Variants in ATM observed in about 807,000 individuals in gnomAD.
The protein encoded by ATM is serine-protein kinase ATM.
A neutral mutation model predicts 387.0 loss-of-function variants in ATM; 308 were observed. The ratio of observed to expected loss-of-function variants is 0.80; its 90% CI spans 0.73 to 0.87. ATM has a LOEUF of 0.87. Ranked by LOEUF, ATM falls within the 40% of genes least tolerant of loss-of-function variation. The probability of loss-of-function intolerance (pLI) is 0.00; values close to 1 mark genes in which losing one functional copy is unlikely to be tolerated. For synonymous variants in ATM, 1,156 were observed against 1,187.3 expected, an observed-to-expected ratio of 0.97 and a Z score of 0.54; for missense variants, 3,312 against 3,560.9, an observed-to-expected ratio of 0.93 and a Z score of 1.78.
rs1555099963 is a variant in ATM, at chr11:108,292,751, A to G, written c.4569A>G (p.Thr1523=). Reference sequence around the variant, plus strand: ...ACCATCTTCATGTTATTGTTGGTACACTTATACCCCTTGTGTATGAGCAGG... The same window carrying G: ...ACCATCTTCATGTTATTGTTGGTACGCTTATACCCCTTGTGTATGAGCAGG... ...LENHLHVIVG[T]LIPLVYEQVE... Residue 1523 remains threonine (T), a synonymous_variant, in exon 30 of 63, where the codon ACA becomes ACG. Coordinates refer to ENST00000675843, the MANE Select transcript of ATM (RefSeq NM_000051.4). The G allele has an allele frequency of 6.2e-7, 1 of 1,613,938 alleles. No homozygotes were observed.
Position 108,358,425 on chromosome 11 carries a change from G to C in ATM, c.8850+3551G>C, listed in dbSNP as rs555537226. 2.7e-5 allele frequency among the ~76,000 whole-genome samples: 4 copies of C among 150,502 alleles called. No homozygotes were observed. In the East Asian group the frequency reaches 7.8e-4, roughly 29 times the overall value. On this transcript the variant is annotated intron_variant, in intron 61 of 62. Transcript: ENST00000675843. ...ATCTAGCAAGGCAGGCCAACGTTCA[G>C]ATTCAGGAAATACAGAGAATGCCAC...
Position 108,241,591 on chromosome 11 carries a change from G to T in ATM, c.497-2362G>T, listed in dbSNP as rs527574931. Among the ~76,000 whole-genome samples the T allele has an allele frequency of 5.3e-5, 8 of 152,054 alleles. 1 individual carries two copies. The South Asian group carries it at 1.7e-3, about 32-fold the overall frequency. ...GTACCACCTTTTCATATTGCCATTTGTCATTGAATAGAATGTTGTTATGTA... is the reference window on the plus strand; with the variant it reads ...GTACCACCTTTTCATATTGCCATTTTTCATTGAATAGAATGTTGTTATGTA... On this transcript the variant is annotated intron_variant, in intron 5 of 62. Coordinates refer to ENST00000675843, the MANE Select transcript of ATM (RefSeq NM_000051.4).
chr11:108,322,808 T>A (rs1457075571), intron 45 of ATM, among the ~76,000 whole-genome samples: 3 of 152,010 alleles, frequency 2.0e-5, no homozygotes, highest in Non-Finnish European at 4.4e-5. Context: ...TTCCTCATGT[T>A]TTTGCACAGC....
In ATM at chr11:108,334,984, G is replaced by A. The variant is rs786202859; in HGVS notation, c.8026G>A (p.Glu2676Lys). ...TMEIKVDHTG[E>K]YGNLVTIQSF... ...CTTTTATTAGGTGGACCACACAGGA[G>A]AATATGGAAATCTGGTGACTATACA... is the stretch of plus-strand genomic sequence containing the variant. The change falls in exon 55 of 63, where the codon GAA becomes AAA. Residue 2676 changes from glutamate (E) to lysine (K), a missense_variant. By Grantham distance (56) the Glu-to-Lys change is moderately conservative. Transcript: ENST00000675843. 1.9e-6 allele frequency: 3 copies of A among 1,613,316 alleles called. No homozygotes were observed. The highest frequency in any genetic ancestry group is 2.5e-6 in the Non-Finnish European group (3 of 1,179,430).
At chr11:108,324,560 A>G (rs904931870) in intron 45 of ATM, among the ~76,000 whole-genome samples, 1 of 152,138 alleles carries the variant, frequency 6.6e-6, no homozygotes, top group Non-Finnish European at 1.5e-5. Flanking sequence ...TGGTAGGGTC[A>G]TTTAGAGAGG....
chr11:108,368,669 A>G lies in ATM; in HGVS notation c.*3161A>G, dbSNP rs1290184506. The G allele has an allele frequency of 1.4e-5, 3 of 217,498 alleles. No homozygotes were observed. Among genetic ancestry groups the G allele is most frequent in the East Asian group, 1.4e-4 (2 of 14,720 alleles). The allele number at this position is 217,498 out of a possible 1,614,324, so 13.5% of individuals were successfully genotyped here. ...ATGAAAACCAAATAGTGAAGCTATC[A>G]GAGAAGCTAATAAATTATAGACTGC... On this transcript the variant is annotated 3_prime_UTR_variant, in exon 63 of 63. Transcript: ENST00000675843.
rs746038072 is a variant in ATM at position 108,257,623 on chromosome 11, C to CTTGTT, written c.2376+25_2376+29dup. 6.2e-7 allele frequency: 1 copy of CTTGTT among 1,611,648 alleles called. No individual in the cohort carries two copies. Among genetic ancestry groups the CTTGTT allele is most frequent in the Non-Finnish European group, 8.5e-7 (1 of 1,179,364 alleles). On this transcript the variant is annotated intron_variant, in intron 15 of 62. Coordinates refer to ENST00000675843, the MANE Select transcript of ATM (RefSeq NM_000051.4). The stretch of plus-strand genomic sequence containing the variant: ...TGTACCAAGGTAAGATTTTCTTCTT[C>CTTGTT]TTGTTTTGTTTTTTGAGATAGGATC...
chr11:108,356,506 A>C (rs143224484), intron 61 of ATM, among the ~76,000 whole-genome samples: 3,597 of 150,346 alleles, frequency 0.024, 111 homozygotes, highest in African/African-American at 0.076. Context: ...ATTGCCCTCC[A>C]GCCTGGGCGA....
chr11:108,352,577 C>A (rs1178337640), intron 59 of ATM, among the ~76,000 whole-genome samples: 1 of 152,148 alleles, frequency 6.6e-6, no homozygotes, highest in Non-Finnish European at 1.5e-5. Flanking sequence ...AACTTAACAA[C>A]AAAATCTACT....
At chr11:108,342,928 G>T (rs943118256) in intron 56 of ATM, among the ~76,000 whole-genome samples, 6 of 152,172 alleles carry the variant, frequency 3.9e-5, no homozygotes, top group Non-Finnish European at 7.3e-5. Flanking sequence ...ACTAAGTATG[G>T]ATTAATGACA....
chr11:108,279,661 C>A (rs2135647422), intron 23 of ATM, 53 bp downstream of exon 23: 1 of 1,359,102 alleles, frequency 7.4e-7, no homozygotes. Flanking sequence ...TATGAATATC[C>A]CATAAATTAC....
Position 108,319,978 on chromosome 11 carries a change from C to T in ATM, c.6372C>T (p.Tyr2124=), listed in dbSNP as rs904589402. Residue 2124 remains tyrosine, a synonymous_variant, in exon 44 of 63, where the codon TAC becomes TAT. Coordinates refer to ENST00000675843, the MANE Select transcript of ATM (RefSeq NM_000051.4). ...GCAAAGAAGTAGAAGGAACCAGTTA[C>T]CATGAATCATTGTACAATGCTCTAC... ...SVSKEVEGTS[Y]HESLYNALQS... The T allele has an allele frequency of 6.2e-7, 1 of 1,612,306 alleles. No individual in the cohort carries two copies. Among genetic ancestry groups the T allele is most frequent in the Non-Finnish European group, 8.5e-7 (1 of 1,178,594 alleles).
chr11:108,228,745 G>A (rs2078862763), intron 3 of ATM, among the ~76,000 whole-genome samples: 1 of 152,174 alleles, frequency 6.6e-6, no homozygotes, highest in Admixed American at 6.5e-5. Context: ...TGATCTGGTA[G>A]GTCAAATATG....
intron 16 of ATM, among the ~76,000 whole-genome samples, chr11:108,262,144 T>TA (rs2093427352): frequency 6.6e-6 from 1 of 152,092 alleles, no homozygotes; most frequent in African/African-American, 2.4e-5. Flanking sequence ...GCCACAAAGA[T>TA]ACTCCTCGAG....
In ATM at chr11:108,244,132, T is replaced by A. The variant is rs1450503203; in HGVS notation, c.662+14T>A. On this transcript the variant is annotated intron_variant, in intron 6 of 62. Coordinates refer to ENST00000675843, the MANE Select transcript of ATM (RefSeq NM_000051.4). ...TCAGTGTGCGAGGTAATCTAATCTCTTTTTCTTTTGTTTTGTATTGAAATA... is the reference window on the plus strand; with the variant it reads ...TCAGTGTGCGAGGTAATCTAATCTCATTTTCTTTTGTTTTGTATTGAAATA... 27 of 1,613,372 alleles carry A rather than the reference T, an allele frequency of 1.7e-5. No individual in the cohort carries two copies. The highest frequency in any genetic ancestry group is 2.3e-5 in the Non-Finnish European group (27 of 1,179,690).
chr11:108,263,807 C>T (rs1306538242), intron 16 of ATM, among the ~76,000 whole-genome samples: 17 of 150,746 alleles, frequency 1.1e-4, no homozygotes, highest in African/African-American at 3.7e-4. Flanking sequence ...ATATCACCAC[C>T]GATCCCACAG....
At chr11:108,233,529 A>ATT (rs539869723) in intron 4 of ATM, among the ~76,000 whole-genome samples, 9 of 138,614 alleles carry the variant, frequency 6.5e-5, no homozygotes, top group Non-Finnish European at 9.1e-5. Context: ...CGATCATGCT[A>ATT]TTGCACTCCA....
chr11:108,349,459 T>C lies in ATM; in HGVS notation c.8671+2094T>C, dbSNP rs185397377. 5.4e-3 allele frequency among the ~76,000 whole-genome samples: 826 copies of C among 152,106 alleles called. 7 individuals are homozygous for C. Among genetic ancestry groups the C allele is most frequent in the Middle Eastern group, 0.014 (4 of 294 alleles). ...GCAGGTGGATCACGAGGTCAGGAGA[T>C]TGAGACCATCCTGGCCAACATGGTG... On this transcript the variant is annotated intron_variant, in intron 59 of 62. Coordinates refer to ENST00000675843, the MANE Select transcript of ATM (RefSeq NM_000051.4).
chr11:108,225,173 G>A (rs1487017041), intron 1 of ATM: 1 of 152,158 alleles, frequency 6.6e-6, no homozygotes, highest in East Asian at 1.9e-4. Flanking sequence ...TCATTGGTTA[G>A]ATTACCAGTT....
Sources: allele counts gnomAD v4.1 joint callset (sites outside exome capture counted in the v4.1 genomes callset), GRCh38; gene constraint gnomAD v4.1.1; transcripts MANE v1.5; gene names NCBI Gene and HGNC (gene_info 2026-07-23, HGNC 2026-07-21).